Variants in POLA2 observed in about 807,000 individuals in gnomAD.
POLA2 encodes the protein DNA polymerase alpha 2, accessory subunit.
Under a neutral mutation model 82.8 loss-of-function variants are expected in POLA2, and 47 were observed. The ratio of observed to expected loss-of-function variants is 0.57; its 90% confidence interval spans 0.45 to 0.72. The LOEUF is 0.72. Among genes scored for constraint, POLA2 ranks in the 30% least tolerant of loss-of-function variants. The pLI, the probability that POLA2 is intolerant of heterozygous loss-of-function variation, is 0.00. For synonymous variants in POLA2, 287 were observed against 286.8 expected (o/e 1.00, Z -0.01); for missense variants, 634 against 728.1 (o/e 0.87, Z 1.49).
At position 65,294,207 on chromosome 11, in the gene POLA2, T is replaced by G. The variant is rs1452279880; in HGVS notation, c.1299T>G (p.Pro433=). The G allele has an allele frequency of 6.2e-7, 1 of 1,614,042 alleles. No individual in the cohort carries two copies. The highest frequency in any genetic ancestry group is 8.5e-7 in the Non-Finnish European group (1 of 1,180,042). ...VPSLRDVHHE[P]VYPQPPFSYS... ...CATTGAGAGATGTGCACCATGAGCC[T>G]GTGTACCCCCAGCCGCCTTTCAGCT... Residue 433 remains proline (P), a synonymous_variant, in exon 14 of 18, where the codon CCT becomes CCG. Transcript: ENST00000265465.
chr11:65,302,738 AT>A (rs541841286), downstream of POLA2, among the ~76,000 whole-genome samples: 1 of 149,624 alleles, frequency 6.7e-6, no homozygotes, highest in Admixed American at 6.6e-5. Flanking sequence ...TTTTTTTTTT[AT>A]TTTTTTGGAG....
chr11:65,271,564 G>T (rs1201214592), intron 4 of POLA2, among the ~76,000 whole-genome samples: 1 of 152,112 alleles, frequency 6.6e-6, no homozygotes, highest in African/African-American at 2.4e-5. Context: ...GTGAATCAAA[G>T]TTTGTGACTG....
intron 12 of POLA2, among the ~76,000 whole-genome samples, chr11:65,289,550 A>G (rs575811833): frequency 2.0e-5 from 3 of 152,350 alleles, no homozygotes; most frequent in South Asian, 4.1e-4. Context: ...CCTTCCATGG[A>G]AAATATTTCA....
chr11:65,275,240 T>C (rs896776995), intron 4 of POLA2, among the ~76,000 whole-genome samples: 5 of 152,138 alleles, frequency 3.3e-5, no homozygotes, highest in African/African-American at 1.2e-4. Flanking sequence ...TCCTGGCTGC[T>C]ATCCAGGCAA....
At chr11:65,265,237 A>AG (rs1949446190) in intron 1 of POLA2, among the ~76,000 whole-genome samples, 10 of 133,846 alleles carry the variant, frequency 7.5e-5, no homozygotes, top group East Asian at 4.2e-4. Context: ...CCAAAAAAAA[A>AG]AGGGGGGGGG....
Position 65,294,278 on chromosome 11 carries a change from C to A in POLA2, c.1353+17C>A. On this transcript the variant is annotated intron_variant, in intron 14 of 17. Coordinates refer to ENST00000265465, the MANE Select transcript of POLA2 (RefSeq NM_002689.4). ...GACAAAAAGGTAGCAGCACCCACTC[C>A]TTGACCAGCAGGCAGCCAGAATCCA... The A allele has an allele frequency of 6.3e-7, 1 of 1,595,080 alleles. No individual in the cohort carries two copies. The highest frequency in any genetic ancestry group is 8.6e-7 in the Non-Finnish European group (1 of 1,162,560).
chr11:65,289,184 C>T, intron 12 of POLA2, 96 bp downstream of exon 12: 1 of 922,966 alleles, frequency 1.1e-6, no homozygotes, highest in Non-Finnish European at 1.7e-6. Context: ...CTGTAACAAA[C>T]ACATTAAGTC....
chr11:65,290,484 C>G (rs1045261966), intron 13 of POLA2, among the ~76,000 whole-genome samples: 2 of 151,928 alleles, frequency 1.3e-5, no homozygotes, highest in Non-Finnish European at 2.9e-5. Flanking sequence ...TGCAGTGAGC[C>G]GAGACCACAC....
chr11:65,279,959 C>A (rs1416391277), intron 7 of POLA2: 2 of 230,260 alleles, frequency 8.7e-6, no homozygotes, highest in South Asian at 9.8e-5. Flanking sequence ...AGGACAGCAG[C>A]GACGGTGGGG....
At chr11:65,292,880 G>T (rs116253574) in intron 13 of POLA2, among the ~76,000 whole-genome samples, 4 of 152,324 alleles carry the variant, frequency 2.6e-5, no homozygotes, top group African/African-American at 7.2e-5. Context: ...AAACATGCCC[G>T]CAAAGTAATA....
rs770833568 is a variant in POLA2 at position 65,297,264 on chromosome 11, A to G, written c.1792A>G (p.Ile598Val). The change falls in exon 18 of 18, where the codon ATC (isoleucine) becomes GTC (valine). Residue 598 changes from isoleucine to valine, a missense_variant. By Grantham distance (29) the Ile-to-Val change is conservative (BLOSUM62 3). Coordinates refer to ENST00000265465, the MANE Select transcript of POLA2 (RefSeq NM_002689.4). ...SPCIAVQVVR[I>V] Reference sequence around the variant, plus strand: ...ATGCATTGCTGTGCAGGTCGTCAGGATCTGAGGCTTCTGTCCTCTGCTGTT... The same window carrying G: ...ATGCATTGCTGTGCAGGTCGTCAGGGTCTGAGGCTTCTGTCCTCTGCTGTT... 6.2e-7 allele frequency: 1 copy of G among 1,605,904 alleles called. No individual in the cohort carries two copies. The highest frequency in any genetic ancestry group is 8.5e-7 in the Non-Finnish European group (1 of 1,175,860).
At chr11:65,292,444 A>G (rs1456253711) in intron 13 of POLA2, among the ~76,000 whole-genome samples, 3 of 151,998 alleles carry the variant, frequency 2.0e-5, no homozygotes, top group Non-Finnish European at 2.9e-5. Context: ...CTCCTTAACT[A>G]TTGCCCTTCC....
chr11:65,276,998 C>G (rs892416895), intron 5 of POLA2, among the ~76,000 whole-genome samples: 1 of 151,868 alleles, frequency 6.6e-6, no homozygotes, highest in African/African-American at 2.4e-5. Flanking sequence ...GCCTGTTGGC[C>G]AGGCTGATCT....
intron 17 of POLA2, among the ~76,000 whole-genome samples, chr11:65,296,686 A>G (rs539847697): frequency 7.2e-5 from 11 of 152,150 alleles, no homozygotes; most frequent in African/African-American, 2.2e-4. Flanking sequence ...GTGGTTGACA[A>G]TTGTAATCCC....
intron 13 of POLA2, 57 bp from the exon 14 acceptor site, chr11:65,294,096 T>G: frequency 6.8e-7 from 1 of 1,465,430 alleles, no homozygotes. Context: ...GCGCAGCTGT[T>G]CTAACTCAAC....
chr11:65,278,898 T>A lies in POLA2; in HGVS notation c.630T>A (p.Phe210Leu), dbSNP rs1456989314. Residue 210 changes from phenylalanine (F) to leucine (L), a missense_variant, in exon 6 of 18, where the codon TTT (phenylalanine) becomes TTA (leucine). By Grantham distance (22) the Phe-to-Leu change is conservative. Coordinates refer to ENST00000265465, the MANE Select transcript of POLA2 (RefSeq NM_002689.4). ...EALTGSYKSMFQKLPDIREVL... is the reference protein window; with the variant it reads ...EALTGSYKSMLQKLPDIREVL... ...TAACTGGGAGCTACAAATCCATGTT[T>A]CAGAAGCTCCCAGACATTCGAGAAG... The A allele has an allele frequency of 1.2e-6, 2 of 1,613,436 alleles. No homozygotes were observed. Among genetic ancestry groups the A allele is most frequent in the African/African-American group, 2.7e-5 (2 of 74,906 alleles).
intron 4 of POLA2, 72 bp downstream of exon 4, chr11:65,268,801 C>A: frequency 1.9e-6 from 2 of 1,034,866 alleles, no homozygotes; most frequent in Non-Finnish European, 2.8e-6. Flanking sequence ...ATTTGAAGAT[C>A]TGAGGGAAAA....
chr11:65,275,930 C>T lies in POLA2; in HGVS notation c.393C>T (p.Pro131=), dbSNP rs534148427. The change falls in exon 5 of 18, where the codon CCC becomes CCT. Residue 131 remains proline (P), a synonymous_variant. Coordinates refer to ENST00000265465, the MANE Select transcript of POLA2 (RefSeq NM_002689.4). ...GAGCTATCTCTACCCCAGAAACCCC[C>T]CTAACAAAAAGGAGTGTGTCAACTC... ...QKRAISTPET[P]LTKRSVSTRS... 7.3e-5 allele frequency: 117 copies of T among 1,608,692 alleles called. 2 individuals carry two copies. The South Asian group carries it at 1.3e-3, about 18-fold the overall frequency.
intron 9 of POLA2, among the ~76,000 whole-genome samples, chr11:65,282,081 G>T (rs924453520): frequency 6.6e-6 from 1 of 152,184 alleles, no homozygotes; most frequent in Non-Finnish European, 1.5e-5. Flanking sequence ...CCCAGAGGCC[G>T]AAAGGTTACC....
Sources: allele counts gnomAD v4.1 joint callset (sites outside exome capture counted in the v4.1 genomes callset), GRCh38; gene constraint gnomAD v4.1.1; transcripts MANE v1.5; gene names NCBI Gene and HGNC (gene_info 2026-07-23, HGNC 2026-07-21).